The following SH3GL2 variants were observed in gnomAD, a reference collection of about 807,000 sequenced individuals.
SH3GL2 encodes the protein endophilin-A1.
In SH3GL2, 24 loss-of-function variants were observed where a neutral mutation model predicts 46.0. The ratio of observed to expected loss-of-function variants is 0.52; its 90% CI spans 0.38 to 0.73. The LOEUF (loss-of-function observed/expected upper bound fraction) is 0.73, where lower values mean the gene tolerates loss of function less well. SH3GL2 is among the 30% of genes least tolerant of loss of function. The probability of loss-of-function intolerance (pLI) is 0.00; values close to 1 mark genes in which losing one functional copy is unlikely to be tolerated. For missense variants in SH3GL2, 413 were observed against 424.2 expected (o/e 0.97, Z 0.23); for synonymous variants, 196 against 147.1 (o/e 1.33, Z -2.40).
At chr9:17,706,248 A>T (rs1462171649) in intron 1 of SH3GL2, among the ~76,000 whole-genome samples, 3 of 152,182 alleles carry the variant, frequency 2.0e-5, no homozygotes, top group South Asian at 4.1e-4. Context: ...TTTCCTTTCC[A>T]TGTGATCATA....
At chr9:17,692,961 A>C (rs929015559) in intron 1 of SH3GL2, among the ~76,000 whole-genome samples, 2 of 152,128 alleles carry the variant, frequency 1.3e-5, no homozygotes, top group African/African-American at 4.8e-5. Context: ...TCATGAGAAT[A>C]GCAAGGGGAG....
intron 1 of SH3GL2, among the ~76,000 whole-genome samples, chr9:17,697,438 G>A (rs181763229): frequency 1.3e-5 from 2 of 151,920 alleles, no homozygotes; most frequent in Non-Finnish European, 2.9e-5. Flanking sequence ...TGGTCAGGCT[G>A]ATCTCCAACT....
chr9:17,754,089 G>C (rs1445468761), intron 2 of SH3GL2, among the ~76,000 whole-genome samples: 1 of 152,156 alleles, frequency 6.6e-6, no homozygotes. Context: ...TAGCCCTGTA[G>C]TATAGTTTGA....
chr9:17,728,864 C>T (rs1219681928), intron 1 of SH3GL2, among the ~76,000 whole-genome samples: 1 of 152,058 alleles, frequency 6.6e-6, no homozygotes, highest in Non-Finnish European at 1.5e-5. Flanking sequence ...TTTTCTTTAT[C>T]CAGTCTATCA....
intron 1 of SH3GL2, among the ~76,000 whole-genome samples, chr9:17,592,756 A>G (rs1261278897): frequency 6.6e-6 from 1 of 152,082 alleles, no homozygotes; most frequent in Non-Finnish European, 1.5e-5. Context: ...TCTAAAACCC[A>G]TGGGATCATC....
intron 1 of SH3GL2, chr9:17,630,429 A>C (rs7871351): frequency 2.6e-5 from 4 of 152,136 alleles, no homozygotes; most frequent in African/African-American, 9.7e-5. Context: ...CTGGTTGTAC[A>C]TAAGTGTTTT....
intron 1 of SH3GL2, among the ~76,000 whole-genome samples, chr9:17,598,341 C>T (rs534644098): frequency 6.3e-4 from 96 of 152,326 alleles, no homozygotes; most frequent in African/African-American, 2.2e-3. Flanking sequence ...GGTCATGGAA[C>T]ATCTCCAGCT....
At chr9:17,627,619 T>C (rs1819312835) in intron 1 of SH3GL2, among the ~76,000 whole-genome samples, 1 of 152,252 alleles carries the variant, frequency 6.6e-6, no homozygotes, top group Non-Finnish European at 1.5e-5. Context: ...TATGAATTGC[T>C]ATGAATATAG....
chr9:17,642,452 C>T (rs1338994103), intron 1 of SH3GL2, among the ~76,000 whole-genome samples: 1 of 152,140 alleles, frequency 6.6e-6, no homozygotes, highest in East Asian at 1.9e-4. Context: ...AATGGTATTA[C>T]CTAGGTTTTC....
At chr9:17,617,858 C>T (rs1296638752) in intron 1 of SH3GL2, among the ~76,000 whole-genome samples, 1 of 151,910 alleles carries the variant, frequency 6.6e-6, no homozygotes, top group South Asian at 2.1e-4. Flanking sequence ...TTTGTGAGCG[C>T]GAGAGAAGGT....
chr9:17,657,126 C>G (rs1424447478), intron 1 of SH3GL2, among the ~76,000 whole-genome samples: 2 of 152,164 alleles, frequency 1.3e-5, no homozygotes, highest in Non-Finnish European at 2.9e-5. Flanking sequence ...GTCTGAAAAG[C>G]TCATACACAC....
chr9:17,608,342 T>C (rs537092238), intron 1 of SH3GL2, among the ~76,000 whole-genome samples: 1 of 152,084 alleles, frequency 6.6e-6, no homozygotes, highest in African/African-American at 2.4e-5. Context: ...GAGACAGGGT[T>C]TCACCGTGTT....
chr9:17,701,322 A>G (rs1467282072), intron 1 of SH3GL2, among the ~76,000 whole-genome samples: 1 of 152,268 alleles, frequency 6.6e-6, no homozygotes, highest in African/African-American at 2.4e-5. Flanking sequence ...GTAACCAGAA[A>G]GTGTTATCAG....
chr9:17,745,086 C>G (rs944437662), intron 1 of SH3GL2, among the ~76,000 whole-genome samples: 2 of 152,192 alleles, frequency 1.3e-5, no homozygotes, highest in African/African-American at 4.8e-5. Flanking sequence ...CTACTATACA[C>G]AAGTATCGGA....
chr9:17,666,913 A>C (rs748138222), intron 1 of SH3GL2, among the ~76,000 whole-genome samples: 42 of 152,274 alleles, frequency 2.8e-4, no homozygotes, highest in African/African-American at 9.6e-4. Context: ...AGTTTTGTCA[A>C]CAGAATGTGT....
intron 1 of SH3GL2, among the ~76,000 whole-genome samples, chr9:17,606,153 C>T (rs150380890): frequency 0.01 from 1,548 of 152,160 alleles, 10 homozygotes; most frequent in Non-Finnish European, 0.014. Context: ...AGTGCAATGG[C>T]GTGATCTCAG....
intron 1 of SH3GL2, among the ~76,000 whole-genome samples, chr9:17,698,420 G>A (rs960920177): frequency 1.3e-5 from 2 of 152,106 alleles, no homozygotes; most frequent in African/African-American, 2.4e-5. Context: ...TGGATATCTC[G>A]GTATCTGGCA....
intron 1 of SH3GL2, chr9:17,591,154 C>T (rs1818474209): frequency 6.6e-6 from 1 of 152,144 alleles, no homozygotes; most frequent in African/African-American, 2.4e-5. Flanking sequence ...CCAAAAAAAT[C>T]ACCTTACATA....
At chr9:17,711,485 C>T (rs1413595999) in intron 1 of SH3GL2, among the ~76,000 whole-genome samples, 2 of 151,814 alleles carry the variant, frequency 1.3e-5, no homozygotes, top group Non-Finnish European at 2.9e-5. Context: ...TCCTCCATTT[C>T]CCCAGACGAC....
Sources: gnomAD v4.1 joint callset for allele counts (sites outside exome capture counted in the v4.1 genomes callset) on GRCh38, gnomAD v4.1.1 for gene constraint, MANE v1.5 for transcripts, NCBI Gene and HGNC (gene_info 2026-07-23, HGNC 2026-07-21) for gene names.